Variants in TARS3 observed in about 807,000 individuals in gnomAD.
The protein encoded by TARS3 is threonyl-tRNA synthetase 3.
Under a neutral mutation model 103.5 loss-of-function variants are expected in TARS3, and 94 were observed. That is an observed-to-expected ratio of 0.91 (90% CI 0.77 to 1.08). The LOEUF (loss-of-function observed/expected upper bound fraction) is 1.08. TARS3 is among the 50% of genes least tolerant of loss of function. The pLI is 0.00. For missense variants in TARS3, 952 were observed against 995.2 expected (o/e 0.96, Z 0.58); for synonymous variants, 416 against 355.4 (o/e 1.17, Z -1.92).
intron 15 of TARS3, among the ~76,000 whole-genome samples, chr15:101,670,037 A>G (rs1199212934): frequency 1.3e-5 from 2 of 152,256 alleles, no homozygotes; most frequent in African/African-American, 4.8e-5. Flanking sequence ...ATGAACTCAC[A>G]TCAGATCTTA....
At position 101,724,307 on chromosome 15, in the gene TARS3, C is replaced by G. The variant is rs1381699177; in HGVS notation, c.81G>C (p.Ser27=). ...GCTCGTCCCTCAGGCGCTCGACCTC[C>G]GACCACAGCCAGCGGATGTCCTCCT... The part of the protein sequence containing the change: ...RQEEDIRWLW[S]EVERLRDEQL... The change falls in exon 1 of 19, where the codon TCG becomes TCC. Residue 27 remains serine, a synonymous_variant. Coordinates refer to ENST00000335968, the MANE Select transcript of TARS3 (RefSeq NM_152334.3). 4.5e-6 allele frequency: 7 copies of G among 1,570,716 alleles called. No individual in the cohort carries two copies. The Admixed American group carries it at 1.2e-4, about 28-fold the overall frequency.
chr15:101,678,599 C>T lies in TARS3; in HGVS notation c.1651-2862G>A, dbSNP rs540322565. The stretch of plus-strand genomic sequence containing the variant: ...CAGGTGAAGTACAAAAACTTTTATT[C>T]CCTATACCTTACCCCATTTATAGTA... On this transcript the variant is annotated intron_variant, in intron 12 of 18. Coordinates refer to ENST00000335968, the MANE Select transcript of TARS3 (RefSeq NM_152334.3). 2.6e-5 allele frequency among the ~76,000 whole-genome samples: 4 copies of T among 152,042 alleles called. No homozygotes were observed. The East Asian group carries it at 7.7e-4, about 29-fold the overall frequency.
At chr15:101,687,318 G>A (rs1404709703) in intron 10 of TARS3, among the ~76,000 whole-genome samples, 6 of 152,084 alleles carry the variant, frequency 3.9e-5, no homozygotes, top group East Asian at 1.9e-4. Flanking sequence ...CAGGAGAATC[G>A]CTTGAACCCA....
At chr15:101,699,718 T>C (rs769094207) in intron 10 of TARS3, among the ~76,000 whole-genome samples, 4 of 152,148 alleles carry the variant, frequency 2.6e-5, no homozygotes, top group South Asian at 2.1e-4. Context: ...CCCCAGGTGA[T>C]AGAATACAGA....
At chr15:101,682,999 T>C (rs570429116) in intron 12 of TARS3, among the ~76,000 whole-genome samples, 4 of 152,292 alleles carry the variant, frequency 2.6e-5, no homozygotes, top group Middle Eastern at 6.8e-3. Flanking sequence ...TCCTGACATT[T>C]TTATTTGTCT....
At chr15:101,706,342 T>C (rs1054838157) in intron 6 of TARS3, among the ~76,000 whole-genome samples, 3 of 152,148 alleles carry the variant, frequency 2.0e-5, no homozygotes, top group Non-Finnish European at 4.4e-5. Flanking sequence ...CACACTGGAC[T>C]TTGGAAGTAT....
intron 3 of TARS3, among the ~76,000 whole-genome samples, chr15:101,716,048 C>T (rs1333320797): frequency 6.6e-6 from 1 of 150,624 alleles, no homozygotes; most frequent in Non-Finnish European, 1.5e-5. Context: ...GAGACAGTCT[C>T]ACTTTGTTGC....
chr15:101,682,418 T>A (rs928329730), intron 12 of TARS3, among the ~76,000 whole-genome samples: 2 of 152,202 alleles, frequency 1.3e-5, no homozygotes, highest in Admixed American at 6.5e-5. Context: ...TTTTCTTTTT[T>A]TTAGTTTGTG....
chr15:101,706,603 GAC>G (rs1045148922), intron 6 of TARS3, among the ~76,000 whole-genome samples: 3 of 152,086 alleles, frequency 2.0e-5, no homozygotes, highest in African/African-American at 7.2e-5. Context: ...TTCTGACAAG[GAC>G]ACAGCTATAT....
At chr15:101,706,989 C>T (rs1009494749) in intron 6 of TARS3, among the ~76,000 whole-genome samples, 2 of 152,012 alleles carry the variant, frequency 1.3e-5, no homozygotes, top group African/African-American at 4.8e-5. Context: ...ACAAAAAAAC[C>T]TAATTAAAAA....
At chr15:101,694,899 G>A (rs1898893000) in intron 10 of TARS3, among the ~76,000 whole-genome samples, 1 of 152,168 alleles carries the variant, frequency 6.6e-6, no homozygotes, top group African/African-American at 2.4e-5. Flanking sequence ...GGGGGAGGCA[G>A]GCATGGAAAT....
intron 11 of TARS3, among the ~76,000 whole-genome samples, chr15:101,685,624 A>G (rs954979366): frequency 6.6e-6 from 1 of 152,234 alleles, no homozygotes; most frequent in Non-Finnish European, 1.5e-5. Flanking sequence ...AAAGACAAAT[A>G]TTATAAAACT....
chr15:101,716,215 C>T (rs1258611117), intron 3 of TARS3, among the ~76,000 whole-genome samples: 2 of 152,076 alleles, frequency 1.3e-5, no homozygotes, highest in African/African-American at 4.8e-5. Flanking sequence ...TGGGGTTTCA[C>T]CATATTGGCC....
At chr15:101,667,296 G>A (rs1364242531) in intron 15 of TARS3, among the ~76,000 whole-genome samples, 2 of 152,144 alleles carry the variant, frequency 1.3e-5, no homozygotes, top group African/African-American at 4.8e-5. Flanking sequence ...TGGTAAATGA[G>A]CACTGGCTTC....
At chr15:101,683,975 C>T (rs975612083) in intron 12 of TARS3, 100 bp downstream of exon 12, 5 of 1,242,836 alleles carry the variant, frequency 4.0e-6, no homozygotes, top group Non-Finnish European at 5.4e-6. Context: ...GAGACTAGAC[C>T]AAACGTCTAT....
At chr15:101,723,633 T>A (rs1429108381) in intron 1 of TARS3, among the ~76,000 whole-genome samples, 2 of 152,036 alleles carry the variant, frequency 1.3e-5, no homozygotes, top group African/African-American at 2.4e-5. Flanking sequence ...TATACAGCTA[T>A]CCTCTCAAGA....
rs778758049 is a variant in TARS3, at chr15:101,684,232, A to ATT, written c.1491_1492dup (p.Met498LysfsTer35). On this transcript the variant is annotated frameshift_variant, in exon 12 of 19. Coordinates refer to ENST00000335968, the MANE Select transcript of TARS3 (RefSeq NM_152334.3). LOFTEE classifies it high-confidence loss of function. ...CCAAGATCGTGGACGATGGGCAAAC[A>ATT]TTAGACTAGAAAAGATGTGGTAACA... 6.2e-7 allele frequency: 1 copy of ATT among 1,613,572 alleles called. No individual in the cohort carries two copies. Among genetic ancestry groups the ATT allele is most frequent in the South Asian group, 1.1e-5 (1 of 90,982 alleles).
chr15:101,661,765 C>T lies in TARS3; in HGVS notation c.2019G>A (p.Leu673=). The T allele has an allele frequency of 6.2e-7, 1 of 1,607,774 alleles. No homozygotes were observed. The highest frequency in any genetic ancestry group is 8.5e-7 in the Non-Finnish European group (1 of 1,176,798). Residue 673 remains leucine, a synonymous_variant, in exon 16 of 19, where the codon TTG becomes TTA. Transcript: ENST00000335968. ...KRPVIIHRAI[L]GSVERMIAIL... is the part of the protein sequence containing the mutation. ...TGGCTATCATTCTTTCCACTGATCC[C>T]AAAATGGCTCGATGAATGATCACAG...
At chr15:101,705,639 T>G in intron 7 of TARS3, 44 bp downstream of exon 7, 1 of 1,566,422 alleles carries the variant, frequency 6.4e-7, no homozygotes, top group East Asian at 2.3e-5. Context: ...GCTAACACCT[T>G]CAAGTTTACC....
Sources: allele counts gnomAD v4.1 joint callset (sites outside exome capture counted in the v4.1 genomes callset), GRCh38; gene constraint gnomAD v4.1.1; transcripts MANE v1.5; gene names NCBI Gene and HGNC (gene_info 2026-07-23, HGNC 2026-07-21).